The following PELI2 variants were observed in gnomAD, a reference collection of about 807,000 sequenced individuals.
PELI2 encodes E3 ubiquitin-protein ligase pellino homolog 2.
A neutral mutation model predicts 42.3 loss-of-function variants in PELI2; 23 were observed. That is an observed-to-expected ratio of 0.54 (90% CI 0.39 to 0.77). The LOEUF (loss-of-function observed/expected upper bound fraction) is 0.77. Ranked by LOEUF, PELI2 falls within the 30% of genes least tolerant of loss-of-function variation. The pLI, the probability that PELI2 is intolerant of heterozygous loss-of-function variation, is 0.00. For synonymous variants in PELI2, 245 were observed against 212.2 expected, an observed-to-expected ratio of 1.15 and a Z score of -1.34; for missense variants, 463 against 553.2, an observed-to-expected ratio of 0.84 and a Z score of 1.64.
chr14:56,283,186 T>G (rs1053688601), intron 3 of PELI2, among the ~76,000 whole-genome samples: 1 of 152,224 alleles, frequency 6.6e-6, no homozygotes, highest in African/African-American at 2.4e-5. Flanking sequence ...CATGCTCACT[T>G]TCTTCCCTCT....
rs552554282 is a variant in PELI2, at chr14:56,130,998, A to G, written c.77+12261A>G. ...GGGCTTCAAGTACTTTTCCTCTCTA[A>G]TAAAGGTCTATCTTTGCCTGGGACT... is the stretch of plus-strand genomic sequence containing the variant. On this transcript the variant is annotated intron_variant, in intron 1 of 5. Transcript: ENST00000267460. 6.9e-4 allele frequency among the ~76,000 whole-genome samples: 105 copies of G among 152,318 alleles called. 1 individual carries two copies. Among genetic ancestry groups the G allele is most frequent in the African/African-American group, 2.5e-3 (103 of 41,572 alleles).
intron 2 of PELI2, among the ~76,000 whole-genome samples, chr14:56,261,087 A>G (rs1023233913): frequency 1.3e-5 from 2 of 151,864 alleles, no homozygotes; most frequent in East Asian, 1.9e-4. Flanking sequence ...CTGTCTACCC[A>G]CCACGAAGCT....
chr14:56,171,573 A>G (rs1885169443), intron 1 of PELI2, among the ~76,000 whole-genome samples: 1 of 152,162 alleles, frequency 6.6e-6, no homozygotes, highest in South Asian at 2.1e-4. Flanking sequence ...TCCCTGTTAC[A>G]CTGTGCCAGG....
At chr14:56,171,801 A>C (rs1404450721) in intron 1 of PELI2, among the ~76,000 whole-genome samples, 1 of 152,134 alleles carries the variant, frequency 6.6e-6, no homozygotes, top group African/African-American at 2.4e-5. Flanking sequence ...GGATCACTTG[A>C]GGTCAGGAGT....
chr14:56,200,446 C>T (rs1328859453), intron 2 of PELI2, among the ~76,000 whole-genome samples: 1 of 152,144 alleles, frequency 6.6e-6, no homozygotes, highest in African/African-American at 2.4e-5. Context: ...AGTGAAGACA[C>T]GCCTGGGTCT....
At chr14:56,270,372 T>C in intron 2 of PELI2, among the ~76,000 whole-genome samples, 1 of 152,234 alleles carries the variant, frequency 6.6e-6, no homozygotes, top group Non-Finnish European at 1.5e-5. Flanking sequence ...TGAATTCCTT[T>C]AGCCACCTCC....
chr14:56,131,400 A>G (rs1883476755), intron 1 of PELI2, among the ~76,000 whole-genome samples: 1 of 152,346 alleles, frequency 6.6e-6, no homozygotes, highest in Non-Finnish European at 1.5e-5. Context: ...TCTGAAAAAC[A>G]TTCTGAGCAA....
intron 1 of PELI2, among the ~76,000 whole-genome samples, chr14:56,138,372 A>G (rs755797182): frequency 6.6e-6 from 1 of 152,200 alleles, no homozygotes; most frequent in Non-Finnish European, 1.5e-5. Flanking sequence ...TGATTGTGGA[A>G]TTAGAAAACA....
At chr14:56,259,820 C>A (rs1355234709) in intron 2 of PELI2, among the ~76,000 whole-genome samples, 1 of 151,902 alleles carries the variant, frequency 6.6e-6, no homozygotes, top group Non-Finnish European at 1.5e-5. Context: ...AAAATAAGTT[C>A]TTCTATATTA....
intron 1 of PELI2, among the ~76,000 whole-genome samples, chr14:56,169,105 A>G (rs995882272): frequency 1.3e-5 from 2 of 152,186 alleles, no homozygotes; most frequent in African/African-American, 4.8e-5. Flanking sequence ...GGACAGAAGG[A>G]AAGGGTCTCT....
chr14:56,160,740 C>T lies in PELI2; in HGVS notation c.78-17595C>T, dbSNP rs763977297. ...ATGCCAGTATTTTAGTTGGATGAAA[C>T]GCCTCCTGTATTGATACTGAATTGA... On this transcript the variant is annotated intron_variant, in intron 1 of 5. Coordinates refer to ENST00000267460, the MANE Select transcript of PELI2 (RefSeq NM_021255.3). Among the ~76,000 whole-genome samples, 4 of 152,138 alleles carry T rather than the reference C, an allele frequency of 2.6e-5. No individual in the cohort carries two copies. In the East Asian group the frequency reaches 5.8e-4, roughly 22 times the overall value.
chr14:56,249,105 G>A (rs536005615), intron 2 of PELI2, among the ~76,000 whole-genome samples: 5 of 152,206 alleles, frequency 3.3e-5, no homozygotes, highest in East Asian at 3.9e-4. Context: ...TGTGATGCTC[G>A]GAAGTGTGTA....
Position 56,271,115 on chromosome 14 carries a change from A to T in PELI2, c.208-8561A>T, listed in dbSNP as rs551428210. ...CACGGGATAATTAGTACCTGCCCAT[A>T]TACGTTTGATACCCTCTAGTCCTCA... On this transcript the variant is annotated intron_variant, in intron 2 of 5. Coordinates refer to ENST00000267460, the MANE Select transcript of PELI2 (RefSeq NM_021255.3). Among the ~76,000 whole-genome samples the T allele has an allele frequency of 9.8e-5, 15 of 152,286 alleles. No homozygotes were observed. In the East Asian group the frequency reaches 1.7e-3, roughly 18 times the overall value.
intron 2 of PELI2, among the ~76,000 whole-genome samples, chr14:56,218,373 T>TACGGC (rs1205437082): frequency 1.3e-5 from 2 of 152,266 alleles, no homozygotes; most frequent in Non-Finnish European, 2.9e-5. Context: ...ATTTATGCCT[T>TACGGC]ATGGCACTAG....
intron 1 of PELI2, among the ~76,000 whole-genome samples, chr14:56,173,684 C>G (rs1267733270): frequency 6.6e-6 from 1 of 152,134 alleles, no homozygotes; most frequent in East Asian, 1.9e-4. Context: ...TCTGGGGCTC[C>G]AAATGTTCCT....
At chr14:56,150,738 A>G (rs1884317825) in intron 1 of PELI2, among the ~76,000 whole-genome samples, 1 of 152,180 alleles carries the variant, frequency 6.6e-6, no homozygotes. Context: ...TAAAAACGAC[A>G]AAGAAGCCAA....
chr14:56,284,893 CAG>C (rs1335087057), intron 3 of PELI2, among the ~76,000 whole-genome samples: 3 of 152,146 alleles, frequency 2.0e-5, no homozygotes, highest in African/African-American at 7.2e-5. Flanking sequence ...GCAGAGGAAA[CAG>C]TGAGCGCAAA....
chr14:56,208,642 A>T (rs1042737798), intron 2 of PELI2, among the ~76,000 whole-genome samples: 2 of 152,204 alleles, frequency 1.3e-5, no homozygotes, highest in Non-Finnish European at 2.9e-5. Flanking sequence ...TAGAAGCAAT[A>T]ACATTATTTT....
Position 56,219,554 on chromosome 14 carries a change from C to T in PELI2, c.207+41090C>T, listed in dbSNP as rs180928767. 6.6e-6 allele frequency among the ~76,000 whole-genome samples: 1 copy of T among 152,246 alleles called. No homozygotes were observed. The highest frequency in any genetic ancestry group is 2.4e-5 in the African/African-American group (1 of 41,536). Reference sequence around the variant, plus strand: ...CTCAATCTTACAAACAGTAGGCATCCACAAGGAAGTCAAAGAAAGGGTCTC... The same window carrying T: ...CTCAATCTTACAAACAGTAGGCATCTACAAGGAAGTCAAAGAAAGGGTCTC... On this transcript the variant is annotated intron_variant, in intron 2 of 5. Transcript: ENST00000267460. This position sits in a 1 kb window ranked among gnomAD's most constrained non-coding sequence, Gnocchi z 4.1.
Sources: gnomAD v4.1 joint callset for allele counts (sites outside exome capture counted in the v4.1 genomes callset) on GRCh38, gnomAD v4.1.1 for gene constraint, Gnocchi (gnomAD v3.1) non-coding constraint, MANE v1.5 for transcripts, NCBI Gene and HGNC (gene_info 2026-07-23, HGNC 2026-07-21) for gene names.